JAKMIP2: variants seen among roughly 807,000 people sequenced by gnomAD.
The protein encoded by JAKMIP2 is janus kinase and microtubule-interacting protein 2.
JAKMIP2 carries 25 observed loss-of-function variants against 115.0 expected under a neutral mutation model. That is an observed-to-expected ratio of 0.22 (90% CI 0.16 to 0.30). The LOEUF (loss-of-function observed/expected upper bound fraction) is 0.30. Ranked by LOEUF, JAKMIP2 falls within the 10% of genes least tolerant of loss-of-function variation. JAKMIP2 has a pLI of 1.00. For missense variants in JAKMIP2, 642 were observed against 957.6 expected, an observed-to-expected ratio of 0.67 and a Z score of 4.35; for synonymous variants, 334 against 343.6, an observed-to-expected ratio of 0.97 and a Z score of 0.31.
intron 17 of JAKMIP2, 23 bp from the exon 18 acceptor site, chr5:147,620,766 T>C (rs753094138): frequency 7.7e-6 from 12 of 1,557,160 alleles, no homozygotes; most frequent in Non-Finnish European, 8.0e-6. Context: ...GCCATATTGA[T>C]AGAGTCAGCT....
intron 1 of JAKMIP2, among the ~76,000 whole-genome samples, chr5:147,729,596 AC>A (rs1753648216): frequency 1.3e-5 from 2 of 151,592 alleles, no homozygotes. Context: ...ACATGGTGAA[AC>A]CCCGTCTCTA....
At chr5:147,659,326 C>A (rs1758840987) in intron 3 of JAKMIP2, among the ~76,000 whole-genome samples, 1 of 152,134 alleles carries the variant, frequency 6.6e-6, no homozygotes, top group Admixed American at 6.5e-5. Context: ...TGAAGCGACG[C>A]CCCACCCTGC....
chr5:147,688,864 G>C (rs1760698656), intron 1 of JAKMIP2, among the ~76,000 whole-genome samples: 1 of 152,242 alleles, frequency 6.6e-6, no homozygotes, highest in African/African-American at 2.4e-5. Flanking sequence ...AGATACAGCA[G>C]TGAATAAATA....
At chr5:147,604,830 A>G (rs1048268573) in intron 20 of JAKMIP2, among the ~76,000 whole-genome samples, 42 of 141,748 alleles carry the variant, frequency 3.0e-4, no homozygotes, top group Non-Finnish European at 5.2e-4. Flanking sequence ...TATTATTATT[A>G]TTATTATTAT....
chr5:147,661,017 A>G lies in JAKMIP2; in HGVS notation c.558T>C (p.Ser186=), dbSNP rs539204610. 3 of 1,613,428 alleles carry G rather than the reference A, an allele frequency of 1.9e-6. No homozygotes were observed. The East Asian group carries it at 6.7e-5, about 36-fold the overall frequency. The part of the protein sequence containing the change: ...ADKIKAGDLR[S]EHQSHQEAIS... The stretch of plus-strand genomic sequence containing the variant: ...TGGCTTCTTGGTGGGACTGATGCTC[A>G]CTCCGAAGGTCCCCAGCCTTGATTT... The change falls in exon 3 of 22, where the codon AGT becomes AGC. Residue 186 remains serine, a synonymous_variant. Transcript: ENST00000616793.
chr5:147,614,666 C>T (rs916287877), intron 19 of JAKMIP2, among the ~76,000 whole-genome samples: 4 of 152,100 alleles, frequency 2.6e-5, no homozygotes, highest in Non-Finnish European at 1.5e-5. Context: ...TGAGTTTAAG[C>T]GGGTGGGGAA....
chr5:147,760,652 G>A (rs1580889254), intron 1 of JAKMIP2, among the ~76,000 whole-genome samples: 2 of 152,132 alleles, frequency 1.3e-5, no homozygotes, highest in South Asian at 2.1e-4. Context: ...TGGTGAGTAG[G>A]TGTAGACAGC....
chr5:147,686,475 T>G (rs1580781428), intron 1 of JAKMIP2, among the ~76,000 whole-genome samples: 1 of 152,192 alleles, frequency 6.6e-6, no homozygotes, highest in East Asian at 1.9e-4. Flanking sequence ...TTCCCTTCAA[T>G]GTCTCTATCA....
At chr5:147,617,479 G>A (rs1315153641) in intron 19 of JAKMIP2, among the ~76,000 whole-genome samples, 2 of 152,180 alleles carry the variant, frequency 1.3e-5, no homozygotes, top group Non-Finnish European at 2.9e-5. Flanking sequence ...GGCTTTGTTG[G>A]TGGTGATGTT....
At chr5:147,675,522 G>T (rs551202901) in intron 1 of JAKMIP2, among the ~76,000 whole-genome samples, 1 of 150,922 alleles carries the variant, frequency 6.6e-6, no homozygotes, top group Non-Finnish European at 1.5e-5. Flanking sequence ...GTCACATACC[G>T]TAACATTCAC....
At chr5:147,703,964 C>T (rs1387311109) in intron 1 of JAKMIP2, among the ~76,000 whole-genome samples, 1 of 152,076 alleles carries the variant, frequency 6.6e-6, no homozygotes, top group Non-Finnish European at 1.5e-5. Flanking sequence ...ACCAACCGCA[C>T]ATTACCTTAG....
chr5:147,684,420 G>A lies in JAKMIP2; in HGVS notation c.-148-12466C>T, dbSNP rs566717354. ...AGTGTCTAATATAATATTGGGCATA[G>A]GTAAATTCTGAAAAAATACTTCTGA... On this transcript the variant is annotated intron_variant, in intron 1 of 21. Coordinates refer to ENST00000616793, the MANE Select transcript of JAKMIP2 (RefSeq NM_001270941.2). Among the ~76,000 whole-genome samples the A allele has an allele frequency of 9.2e-5, 14 of 151,986 alleles. 1 individual carries two copies. Among genetic ancestry groups the A allele is most frequent in the African/African-American group, 2.9e-4 (12 of 41,450 alleles).
rs553516435 is a variant in JAKMIP2, at chr5:147,591,490, T to G, written c.*217A>C. 7 of 640,426 alleles carry G rather than the reference T, an allele frequency of 1.1e-5. No individual in the cohort carries two copies. The African/African-American group carries it at 1.1e-4, about 10-fold the overall frequency. 39.7% of individuals were successfully genotyped at this position (640,426 alleles called of 1,614,324 possible). On this transcript the variant is annotated 3_prime_UTR_variant, in exon 22 of 22. Transcript: ENST00000616793. ...GTTTCATTAAATGCAGCATATATTG[T>G]AGATTTTCAACAGGGTTGTGTAGGA...
chr5:147,612,428 A>G, intron 19 of JAKMIP2, 57 bp from the exon 20 acceptor site: 1 of 1,043,458 alleles, frequency 9.6e-7, no homozygotes. Context: ...TGTGCGGAAA[A>G]ATAATTTACC....
At chr5:147,751,256 G>GTTTTTTTTTTTTTTTTTT (rs59032563) in intron 1 of JAKMIP2, among the ~76,000 whole-genome samples, 1 of 131,598 alleles carries the variant, frequency 7.6e-6, no homozygotes, top group East Asian at 2.3e-4. Context: ...TTTTGTTGTT[G>GTTTTTTTTTTTTTTTTTT]TTTTTTTTTT....
At chr5:147,738,154 G>A (rs1753995367) in intron 1 of JAKMIP2, among the ~76,000 whole-genome samples, 1 of 152,094 alleles carries the variant, frequency 6.6e-6, no homozygotes, top group Admixed American at 6.6e-5. Context: ...AAGCAAAGAG[G>A]TCATTTTTTT....
At chr5:147,646,529 A>G (rs900098802) in intron 5 of JAKMIP2, among the ~76,000 whole-genome samples, 1 of 152,092 alleles carries the variant, frequency 6.6e-6, no homozygotes, top group Non-Finnish European at 1.5e-5. Flanking sequence ...ATCAATAACC[A>G]TAGTCCCACA....
intron 1 of JAKMIP2, among the ~76,000 whole-genome samples, chr5:147,777,627 AT>A (rs141268379): frequency 0.017 from 2,644 of 152,300 alleles, 93 homozygotes; most frequent in African/African-American, 0.061. Flanking sequence ...ATTTTTAAAT[AT>A]AAAAAAAACT....
chr5:147,610,707 C>A (rs187906190), intron 20 of JAKMIP2, among the ~76,000 whole-genome samples: 119 of 152,296 alleles, frequency 7.8e-4, no homozygotes, highest in African/African-American at 2.6e-3. Flanking sequence ...AGAGCTTGAG[C>A]GCTATGCTGG....
Sources: gnomAD v4.1 joint callset for allele counts (sites outside exome capture counted in the v4.1 genomes callset) on GRCh38, gnomAD v4.1.1 for gene constraint, MANE v1.5 for transcripts, NCBI Gene and HGNC (gene_info 2026-07-23, HGNC 2026-07-21) for gene names.